Variants in TSPAN7 observed in about 807,000 individuals in gnomAD.
The protein encoded by TSPAN7 is tetraspanin-7.
TSPAN7 carries 1 observed loss-of-function variant against 17.6 expected under a neutral mutation model. The ratio of observed to expected loss-of-function variants is 0.06; its 90% CI spans 0.02 to 0.27. TSPAN7 has a LOEUF of 0.27. Ranked by LOEUF, TSPAN7 falls within the 10% of genes least tolerant of loss-of-function variation. TSPAN7 has a pLI of 1.00. For synonymous variants in TSPAN7, 78 were observed against 79.0 expected, an observed-to-expected ratio of 0.99 and a Z score of 0.07; for missense variants, 112 against 201.7, an observed-to-expected ratio of 0.56 and a Z score of 2.69.
chrX:38,588,695 C>A (rs2069272744), intron 1 of TSPAN7, among the ~76,000 whole-genome samples: 1 of 111,621 alleles, frequency 9.0e-6, no homozygotes, highest in Non-Finnish European at 1.9e-5. Flanking sequence ...TCTTTTGGAA[C>A]AATATTTCAA....
At chrX:38,609,622 G>A (rs1168854684) in intron 1 of TSPAN7, among the ~76,000 whole-genome samples, 2 of 106,854 alleles carry the variant, frequency 1.9e-5, no homozygotes, top group African/African-American at 6.8e-5. Context: ...GTATATACAT[G>A]TGTGTGTGTA....
chrX:38,609,619 CAT>C (rs1491406105), intron 1 of TSPAN7, among the ~76,000 whole-genome samples: 22 of 106,656 alleles, frequency 2.1e-4, no homozygotes, highest in Non-Finnish European at 2.9e-4. Flanking sequence ...TGTGTATATA[CAT>C]GTGTGTGTGT....
Position 38,674,254 on chromosome X carries a change from G to A in TSPAN7, c.379G>A (p.Ala127Thr), listed in dbSNP as rs17851593. Reference protein sequence around the residue: ...KDTFLRTYTDAMQTYNGNDER... With the variant: ...KDTFLRTYTDTMQTYNGNDER... ...CACCTTCCTGAGGACTTACACGGAC[G>A]CTATGCAGACTTACAATGGCAATGA... Residue 127 changes from alanine to threonine, a missense_variant, in exon 4 of 8, where the codon GCT becomes ACT. Physicochemically the swap from Ala to Thr is moderately conservative, Grantham distance 58. Coordinates refer to ENST00000378482, the MANE Select transcript of TSPAN7 (RefSeq NM_004615.4). The A allele has an allele frequency of 3.3e-6, 4 of 1,200,871 alleles. No homozygotes were observed. Among genetic ancestry groups the A allele is most frequent in the Non-Finnish European group, 4.5e-6 (4 of 889,705 alleles).
At chrX:38,635,168 G>C (rs1033074545) in intron 1 of TSPAN7, among the ~76,000 whole-genome samples, 5 of 111,367 alleles carry the variant, frequency 4.5e-5, no homozygotes, top group Non-Finnish European at 9.4e-5. Context: ...GTGTACTTGG[G>C]AATACTTCTA....
intron 2 of TSPAN7, 132 bp from the exon 3 acceptor site, chrX:38,671,243 AT>A (rs1182073498): frequency 3.2e-6 from 2 of 634,661 alleles, no homozygotes. Context: ...AATGTTTTAT[AT>A]TTTTTTCTAA....
At chrX:38,572,245 A>G (rs2069173254) in intron 1 of TSPAN7, among the ~76,000 whole-genome samples, 1 of 111,616 alleles carries the variant, frequency 9.0e-6, no homozygotes, top group Non-Finnish European at 1.9e-5. Flanking sequence ...ACTTGACCTT[A>G]GAAGCATGGC....
At chrX:38,680,539 TTCTCTCTCTCTCTCTCTCTCTCTC>T (rs61619425) in intron 5 of TSPAN7, among the ~76,000 whole-genome samples, 1 of 75,604 alleles carries the variant, frequency 1.3e-5, no homozygotes, top group Admixed American at 1.6e-4. Flanking sequence ...TACTTACAAA[TTCTCTCTCTCTCTCTCTCTCTCTC>T]TCTCTCTCTC....
intron 1 of TSPAN7, among the ~76,000 whole-genome samples, chrX:38,583,800 C>T (rs751787627): frequency 6.3e-5 from 7 of 111,098 alleles, no homozygotes; most frequent in African/African-American, 2.3e-4. Flanking sequence ...TTATTGATAT[C>T]TGCTGAAGCA....
rs1303616271 is a variant in TSPAN7, at chrX:38,688,194, T to G, written c.*263T>G. ...CAGGTCCCCCTGCAGCTAGTCCTAG[T>G]GAACCTCACCCCGAGGCCCTGCATG... On this transcript the variant is annotated 3_prime_UTR_variant, in exon 8 of 8. Transcript: ENST00000378482. 8.8e-6 allele frequency: 1 copy of G among 113,202 alleles called. No homozygotes were observed. Among genetic ancestry groups the G allele is most frequent in the Non-Finnish European group, 1.9e-5 (1 of 53,635 alleles). 9.3% of individuals were successfully genotyped at this position (113,202 alleles called of 1,213,427 possible).
chrX:38,624,461 G>A (rs996771508), intron 1 of TSPAN7, among the ~76,000 whole-genome samples: 8 of 112,036 alleles, frequency 7.1e-5, no homozygotes, highest in Non-Finnish European at 1.3e-4. Context: ...GTTAACAGTC[G>A]AGAGACTTCT....
At chrX:38,598,970 C>T (rs2069332164) in intron 1 of TSPAN7, among the ~76,000 whole-genome samples, 1 of 111,804 alleles carries the variant, frequency 8.9e-6, no homozygotes, top group Non-Finnish European at 1.9e-5. Flanking sequence ...ATGAAGTATT[C>T]ATACTCTAAA....
At chrX:38,575,390 A>G (rs769656170) in intron 1 of TSPAN7, among the ~76,000 whole-genome samples, 5 of 112,142 alleles carry the variant, frequency 4.5e-5, no homozygotes, top group Non-Finnish European at 9.4e-5. Flanking sequence ...AATTAATACA[A>G]CTCTAAAATC....
In TSPAN7 at chrX:38,609,424, A is replaced by C. The variant is rs150876328; in HGVS notation, c.81+47797A>C. On this transcript the variant is annotated intron_variant, in intron 1 of 7. Transcript: ENST00000378482. ...TGTGTTTAGGAGCTACGTGTATGAA[A>C]CTATTTTTCCTCAAATACTATTTTA... Among the ~76,000 whole-genome samples the C allele has an allele frequency of 7.7e-3, 857 of 111,108 alleles. 8 individuals carry two copies. The highest frequency in any genetic ancestry group is 0.027 in the African/African-American group (827 of 30,584).
chrX:38,587,301 T>C (rs768658471), intron 1 of TSPAN7, among the ~76,000 whole-genome samples: 113 of 112,502 alleles, frequency 1.0e-3, no homozygotes, highest in African/African-American at 3.6e-3. Flanking sequence ...CAGTGAATTA[T>C]CAGTTCACAT....
At chrX:38,681,978 G>A (rs1376148215) in intron 6 of TSPAN7, among the ~76,000 whole-genome samples, 1 of 111,533 alleles carries the variant, frequency 9.0e-6, no homozygotes, top group Non-Finnish European at 1.9e-5. Flanking sequence ...GGCAGGGCAT[G>A]GTTCCACAGG....
intron 1 of TSPAN7, among the ~76,000 whole-genome samples, chrX:38,577,304 A>C (rs1427217324): frequency 9.0e-6 from 1 of 111,249 alleles, no homozygotes; most frequent in African/African-American, 3.3e-5. Context: ...AGGTGGCCCT[A>C]GGAAATTATT....
In TSPAN7 at chrX:38,633,184, G is replaced by T. The variant is rs961978523; in HGVS notation, c.82-32937G>T. Among the ~76,000 whole-genome samples the T allele has an allele frequency of 5.3e-5, 6 of 112,561 alleles. No individual in the cohort carries two copies. The Admixed American group carries it at 5.6e-4, about 11-fold the overall frequency. On this transcript the variant is annotated intron_variant, in intron 1 of 7. Coordinates refer to ENST00000378482, the MANE Select transcript of TSPAN7 (RefSeq NM_004615.4). ...TTAAAGATATCCATAATACTTTTGT[G>T]ATGCTGAAGCCAACTCAATTTAAAC...
At chrX:38,672,426 T>C (rs944654544) in intron 3 of TSPAN7, among the ~76,000 whole-genome samples, 5 of 110,430 alleles carry the variant, frequency 4.5e-5, no homozygotes, top group African/African-American at 1.7e-4. Flanking sequence ...GTATGCTCTC[T>C]GCTCCCCTAC....
intron 1 of TSPAN7, 127 bp downstream of exon 1, chrX:38,561,754 C>T (rs1324579246): frequency 1.0e-4 from 58 of 566,802 alleles, no homozygotes; most frequent in Non-Finnish European, 1.5e-4. Flanking sequence ...TTTAAGGAGA[C>T]AGGCGCGGGG....
Sources: gnomAD v4.1 joint callset for allele counts (sites outside exome capture counted in the v4.1 genomes callset) on GRCh38, gnomAD v4.1.1 for gene constraint, MANE v1.5 for transcripts, NCBI Gene and HGNC (gene_info 2026-07-23, HGNC 2026-07-21) for gene names.